Variants in PCSK5 observed in about 807,000 individuals in gnomAD.
PCSK5 encodes proprotein convertase subtilisin/kexin type 5, also known as prohormone convertase 5.
Under a neutral mutation model 233.2 loss-of-function variants are expected in PCSK5, and 129 were observed. The observed-to-expected ratio is 0.55, with a 90% CI of 0.48 to 0.64. PCSK5 has a LOEUF of 0.64. PCSK5 is among the 30% of genes least tolerant of loss of function. The pLI, the probability that PCSK5 is intolerant of heterozygous loss-of-function variation, is 0.00. For synonymous variants in PCSK5, 825 were observed against 879.2 expected, an observed-to-expected ratio of 0.94 and a Z score of 1.09; for missense variants, 2,076 against 2,430.1, an observed-to-expected ratio of 0.85 and a Z score of 3.06.
At chr9:76,182,855 A>G (rs1206168897) in intron 16 of PCSK5, among the ~76,000 whole-genome samples, 4 of 152,214 alleles carry the variant, frequency 2.6e-5, no homozygotes, top group Non-Finnish European at 4.4e-5. Flanking sequence ...TAAAAGAACA[A>G]GAGTTATTTA....
intron 8 of PCSK5, among the ~76,000 whole-genome samples, chr9:76,098,039 A>G (rs868721727): frequency 1.3e-5 from 2 of 152,178 alleles, no homozygotes; most frequent in South Asian, 2.1e-4. Flanking sequence ...TCCATAGGGG[A>G]TAGAACTGTA....
At chr9:76,060,673 G>T (rs1187511039) in intron 5 of PCSK5, among the ~76,000 whole-genome samples, 1 of 152,154 alleles carries the variant, frequency 6.6e-6, no homozygotes, top group African/African-American at 2.4e-5. Flanking sequence ...TTGTACATGG[G>T]TATAAGAGAT....
chr9:75,955,403 C>T (rs1026960462), intron 2 of PCSK5, among the ~76,000 whole-genome samples: 3 of 152,152 alleles, frequency 2.0e-5, no homozygotes, highest in East Asian at 1.9e-4. Context: ...CACCAACACA[C>T]GTGCTTTGTA....
chr9:76,311,506 T>A (rs1258605310), intron 30 of PCSK5, among the ~76,000 whole-genome samples: 1 of 152,098 alleles, frequency 6.6e-6, no homozygotes, highest in African/African-American at 2.4e-5. Flanking sequence ...TAACACCTGG[T>A]TAGTTATTTA....
In PCSK5 at chr9:76,177,150, C is replaced by T. The variant is rs144454387; in HGVS notation, c.1900+2021C>T. Among the ~76,000 whole-genome samples, 367 of 152,068 alleles carry T rather than the reference C, an allele frequency of 2.4e-3. 4 individuals are homozygous for T. The highest frequency in any genetic ancestry group is 7.8e-3 in the African/African-American group (325 of 41,478). On this transcript the variant is annotated intron_variant, in intron 14 of 37. Coordinates refer to ENST00000674117, the MANE Select transcript of PCSK5 (RefSeq NM_001372043.1). ...ACTAAAAATACAAAAAGAAATTAGC[C>T]GGGTGTGGTGGCACGCACCTGTAAT...
At position 76,238,946 on chromosome 9, in the gene PCSK5, T is replaced by C; in HGVS notation, c.2867-13T>C. On this transcript the variant is annotated splice_polypyrimidine_tract_variant and intron_variant, in intron 22 of 37. Coordinates refer to ENST00000674117, the MANE Select transcript of PCSK5 (RefSeq NM_001372043.1). ...ACATTTTCCCTCTTTTCGTTGCCCCTGTAACTGATCAGACAACTATGGCCG... is the reference window on the plus strand; with the variant it reads ...ACATTTTCCCTCTTTTCGTTGCCCCCGTAACTGATCAGACAACTATGGCCG... 2 of 1,601,898 alleles carry C rather than the reference T, an allele frequency of 1.2e-6. No individual in the cohort carries two copies. Among genetic ancestry groups the C allele is most frequent in the Non-Finnish European group, 1.7e-6 (2 of 1,170,786 alleles).
chr9:76,335,101 A>G (rs1390803645), intron 34 of PCSK5, among the ~76,000 whole-genome samples: 1 of 152,132 alleles, frequency 6.6e-6, no homozygotes, highest in African/African-American at 2.4e-5. Flanking sequence ...CAAACAAACA[A>G]AAACAGGAAT....
At chr9:76,025,244 A>G (rs566199045) in intron 4 of PCSK5, among the ~76,000 whole-genome samples, 101 of 152,270 alleles carry the variant, frequency 6.6e-4, no homozygotes, top group African/African-American at 2.4e-3. Context: ...TAGGAATAAT[A>G]ATAAAGTATA....
chr9:76,133,298 A>C (rs1246230661), intron 9 of PCSK5, among the ~76,000 whole-genome samples: 14 of 152,066 alleles, frequency 9.2e-5, no homozygotes. Context: ...CGCTGAGTCA[A>C]ATGGCTTCGA....
chr9:76,332,463 G>A lies in PCSK5; in HGVS notation c.4601G>A (p.Gly1534Asp). The stretch of plus-strand genomic sequence containing the variant: ...ACCTGTGTGAAGGACTGCCCAGAGG[G>A]CTATTATGCCGATGAGGACAGCAAC... ...NTTCVKDCPE[G>D]YYADEDSNRC... Residue 1534 changes from glycine (G) to aspartate (D), a missense_variant, in exon 34 of 38, where the codon GGC (glycine) becomes GAC (aspartate). This residue lies in a region of PCSK5 where 1,510 missense variants were observed against 1,538.1 expected (regional missense o/e 0.98). Transcript: ENST00000674117. 2 of 1,612,688 alleles carry A rather than the reference G, an allele frequency of 1.2e-6. No homozygotes were observed. The highest frequency in any genetic ancestry group is 1.7e-6 in the Non-Finnish European group (2 of 1,179,734).
Position 76,136,826 on chromosome 9 carries a change from C to T in PCSK5, c.1312+2614C>T, listed in dbSNP as rs569150123. Among the ~76,000 whole-genome samples, 10 of 152,134 alleles carry T rather than the reference C, an allele frequency of 6.6e-5. No individual in the cohort carries two copies. The South Asian group carries it at 2.1e-3, about 32-fold the overall frequency. ...ACCCATCAGAATTTCTTTCTCATCA[C>T]GTAAAGCAGAAGCCACTTAGAGTAG... On this transcript the variant is annotated intron_variant, in intron 10 of 37. Coordinates refer to ENST00000674117, the MANE Select transcript of PCSK5 (RefSeq NM_001372043.1).
At chr9:76,262,227 A>T (rs1827197935) in intron 24 of PCSK5, among the ~76,000 whole-genome samples, 1 of 152,150 alleles carries the variant, frequency 6.6e-6, no homozygotes, top group Non-Finnish European at 1.5e-5. Context: ...ATTCAATGCC[A>T]TCCCCATCAA....
rs1217181165 is a variant in PCSK5 at position 76,233,608 on chromosome 9, C to T, written c.2866+12C>T. 1.9e-6 allele frequency: 3 copies of T among 1,606,786 alleles called. No individual in the cohort carries two copies. In the Admixed American group the frequency reaches 5.0e-5, roughly 27 times the overall value. ...CTCCTGTGGAGCAGGTGAGAGACTG[C>T]TGCTCCTCCGTCTTCTGCACCCCAA... On this transcript the variant is annotated intron_variant, in intron 22 of 37. Coordinates refer to ENST00000674117, the MANE Select transcript of PCSK5 (RefSeq NM_001372043.1).
chr9:75,949,897 G>T (rs1417088612), intron 2 of PCSK5, among the ~76,000 whole-genome samples: 1 of 152,146 alleles, frequency 6.6e-6, no homozygotes. Context: ...ATACAGGCAT[G>T]CAGTGCATAA....
chr9:76,217,717 A>G (rs1276225032), intron 20 of PCSK5, among the ~76,000 whole-genome samples: 1 of 152,192 alleles, frequency 6.6e-6, no homozygotes, highest in Non-Finnish European at 1.5e-5. Flanking sequence ...GAATCTCAAA[A>G]AGGAGAAAGA....
At chr9:76,186,420 G>A (rs937754574) in intron 17 of PCSK5, among the ~76,000 whole-genome samples, 2 of 149,800 alleles carry the variant, frequency 1.3e-5, no homozygotes, top group Non-Finnish European at 3.0e-5. Flanking sequence ...GTAAAATTCT[G>A]TTTCTTAGCC....
At chr9:76,012,996 G>A (rs908650325) in intron 3 of PCSK5, among the ~76,000 whole-genome samples, 12 of 152,250 alleles carry the variant, frequency 7.9e-5, no homozygotes, top group East Asian at 7.7e-4. Context: ...CAGTAATCTC[G>A]TAGATCTAGA....
At chr9:76,228,623 T>A (rs1173133294) in intron 21 of PCSK5, among the ~76,000 whole-genome samples, 1 of 152,242 alleles carries the variant, frequency 6.6e-6, no homozygotes, top group Non-Finnish European at 1.5e-5. Flanking sequence ...GCTGGAGGCC[T>A]GTTTTATTTT....
intron 21 of PCSK5, among the ~76,000 whole-genome samples, chr9:76,228,510 C>A (rs1825970321): frequency 6.6e-6 from 1 of 152,212 alleles, no homozygotes; most frequent in Non-Finnish European, 1.5e-5. Flanking sequence ...GGGATAATAG[C>A]AGGCACTCAG....
Sources: allele counts gnomAD v4.1 joint callset (sites outside exome capture counted in the v4.1 genomes callset), GRCh38; gene constraint gnomAD v4.1.1; regional missense constraint gnomAD v4.1.1; transcripts MANE v1.5; gene names NCBI Gene and HGNC (gene_info 2026-07-23, HGNC 2026-07-21).